HDGFL3: variants seen among roughly 807,000 people sequenced by gnomAD.
The protein encoded by HDGFL3 is HDGF like 3, also known as hepatoma-derived growth factor-related protein 3.
In HDGFL3, 6 loss-of-function variants were observed where a neutral mutation model predicts 27.6. The ratio of observed to expected loss-of-function variants is 0.22; its 90% CI spans 0.12 to 0.43. The LOEUF (loss-of-function observed/expected upper bound fraction) is 0.43. HDGFL3 is among the 20% of genes least tolerant of loss of function. HDGFL3 has a pLI of 1.00. For missense variants in HDGFL3, 207 were observed against 250.1 expected, an observed-to-expected ratio of 0.83 and a Z score of 1.16; for synonymous variants, 88 against 88.9, an observed-to-expected ratio of 0.99 and a Z score of 0.05.
In HDGFL3 at chr15:83,139,229, T is replaced by C; in HGVS notation, c.*41A>G. The stretch of plus-strand genomic sequence containing the variant: ...ATATTAGACAACCAAACATATAACC[T>C]TCTTGTGGTTTCTCTTAATATGCAG... On this transcript the variant is annotated 3_prime_UTR_variant, in exon 6 of 6. Transcript: ENST00000299633. 1 of 1,379,142 alleles carries C rather than the reference T, an allele frequency of 7.3e-7. No individual in the cohort carries two copies. Among genetic ancestry groups the C allele is most frequent in the Non-Finnish European group, 9.7e-7 (1 of 1,031,048 alleles). The allele number at this position is 1,379,142 out of a possible 1,614,324, so 85.4% of individuals were successfully genotyped here. A position where few individuals can be genotyped will look rare whatever the true frequency, so the allele number is the denominator to read the frequency against.
At chr15:83,180,154 C>A (rs2037362276) in intron 1 of HDGFL3, among the ~76,000 whole-genome samples, 1 of 151,954 alleles carries the variant, frequency 6.6e-6, no homozygotes, top group Non-Finnish European at 1.5e-5. Context: ...TCCTGATTGA[C>A]TCCGGATCTG....
chr15:83,167,626 G>C (rs1377706383), intron 1 of HDGFL3, among the ~76,000 whole-genome samples: 1 of 151,332 alleles, frequency 6.6e-6, no homozygotes, highest in African/African-American at 2.4e-5. Context: ...CAACAAGAAG[G>C]TTTAACCATT....
intron 1 of HDGFL3, among the ~76,000 whole-genome samples, chr15:83,191,084 G>T (rs62010249): frequency 0.1 from 15,741 of 152,014 alleles, 1,022 homozygotes; most frequent in Middle Eastern, 0.18. Context: ...CTATCTGTGG[G>T]CCGGTTTCTG....
intron 5 of HDGFL3, among the ~76,000 whole-genome samples, chr15:83,145,048 C>CA (rs1272038793): frequency 1.3e-5 from 2 of 151,820 alleles, no homozygotes; most frequent in African/African-American, 2.4e-5. Context: ...AGGAAGTACT[C>CA]AGAGAGCCTC....
intron 1 of HDGFL3, among the ~76,000 whole-genome samples, chr15:83,200,209 G>A (rs2037626468): frequency 6.6e-6 from 1 of 151,838 alleles, no homozygotes; most frequent in South Asian, 2.1e-4. Flanking sequence ...AGCCCAGCGT[G>A]GTGGTGGGCA....
At chr15:83,126,837 C>G, downstream of HDGFL3, 2 of 1,612,228 alleles carry the variant, frequency 1.2e-6, no homozygotes, top group South Asian at 1.1e-5. Context: ...GCTGCTTATC[C>G]TAAAATTCAG....
rs553254662 is a variant in HDGFL3 at position 83,194,818 on chromosome 15, A to T, written c.84+12513T>A. Among the ~76,000 whole-genome samples, 4 of 152,294 alleles carry T rather than the reference A, an allele frequency of 2.6e-5. No individual in the cohort carries two copies. The South Asian group carries it at 8.3e-4, about 32-fold the overall frequency. ...CTGAGCAAGTCAGTTGGTAAAAGAG[A>T]TTAATGCATTTTAGCTTTCTCATCC... On this transcript the variant is annotated intron_variant, in intron 1 of 5. Coordinates refer to ENST00000299633, the MANE Select transcript of HDGFL3 (RefSeq NM_016073.4).
At chr15:83,173,002 G>A (rs1289539584) in intron 1 of HDGFL3, among the ~76,000 whole-genome samples, 8 of 152,096 alleles carry the variant, frequency 5.3e-5, no homozygotes, top group Non-Finnish European at 1.5e-5. Context: ...ACGTAGAAGT[G>A]GACCCACAAA....
intron 1 of HDGFL3, among the ~76,000 whole-genome samples, chr15:83,190,538 T>G (rs1384083582): frequency 6.6e-6 from 1 of 152,220 alleles, no homozygotes; most frequent in African/African-American, 2.4e-5. Context: ...CGATTACTTA[T>G]GAGGCAGAGC....
chr15:83,165,332 T>A (rs1187204705), intron 1 of HDGFL3, among the ~76,000 whole-genome samples: 1 of 152,218 alleles, frequency 6.6e-6, no homozygotes, highest in Non-Finnish European at 1.5e-5. Flanking sequence ...AGTTTCTTTA[T>A]CTCTTCACAT....
In HDGFL3 at chr15:83,116,672, G is replaced by C. The variant is rs2034690787; in HGVS notation, c.394-931C>G. On this transcript the variant is annotated intron_variant, in intron 3 of 3. Coordinates refer to the HDGFL3 transcript ENST00000568294. ...CAGGGAAGGGTCCGTGCCATGAGCT[G>C]GGGCACCAGTCAGGAGGCTTCCTCG... Among the ~76,000 whole-genome samples, 4 of 152,234 alleles carry C rather than the reference G, an allele frequency of 2.6e-5. No homozygotes were observed. In the South Asian group the frequency reaches 8.3e-4, roughly 31 times the overall value.
intron 1 of HDGFL3, among the ~76,000 whole-genome samples, chr15:83,191,940 T>C (rs1035486662): frequency 6.9e-6 from 1 of 145,066 alleles, no homozygotes; most frequent in Admixed American, 6.8e-5. Context: ...CTCTCCTTTT[T>C]TTTTTTTTTT....
intron 1 of HDGFL3, among the ~76,000 whole-genome samples, chr15:83,193,038 T>C (rs1473275215): frequency 1.3e-5 from 2 of 152,306 alleles, no homozygotes; most frequent in Non-Finnish European, 2.9e-5. Flanking sequence ...CTTTACCACA[T>C]ATGGACTTCC....
intron 2 of HDGFL3, among the ~76,000 whole-genome samples, chr15:83,160,743 A>G (rs1376187880): frequency 6.6e-6 from 1 of 152,180 alleles, no homozygotes; most frequent in Non-Finnish European, 1.5e-5. Context: ...ACGAGAGGTT[A>G]ACAGTTTACT....
At chr15:83,173,919 C>T (rs368200908) in intron 1 of HDGFL3, among the ~76,000 whole-genome samples, 6 of 152,210 alleles carry the variant, frequency 3.9e-5, no homozygotes, top group Middle Eastern at 3.2e-3. Context: ...AACTAACATA[C>T]GGCAACAGCC....
In HDGFL3 at chr15:83,207,229, G is replaced by A. The variant is rs1341005732; in HGVS notation, c.84+102C>T. ...CAGCCCTCACCACAGCCGGCCGCGA[G>A]CTGCGGGCTCGGGGCTGAGGCGATG... On this transcript the variant is annotated intron_variant, in intron 1 of 5. Coordinates refer to ENST00000299633, the MANE Select transcript of HDGFL3 (RefSeq NM_016073.4). This position sits in a 1 kb window ranked among gnomAD's most constrained non-coding sequence, Gnocchi z 4.8. 2 of 810,680 alleles carry A rather than the reference G, an allele frequency of 2.5e-6. No homozygotes were observed. Among genetic ancestry groups the A allele is most frequent in the Non-Finnish European group, 3.4e-6 (2 of 593,992 alleles). The allele number at this position is 810,680 out of a possible 1,614,324, so 50.2% of individuals were successfully genotyped here.
In HDGFL3 at chr15:83,138,479, A is replaced by T. The variant is rs1205287540; in HGVS notation, c.*791T>A. The T allele has an allele frequency of 6.6e-6, 1 of 152,602 alleles. No individual in the cohort carries two copies. Among genetic ancestry groups the T allele is most frequent in the Non-Finnish European group, 1.5e-5 (1 of 68,006 alleles). The allele number at this position is 152,602 out of a possible 1,614,324, so 9.5% of individuals were successfully genotyped here. A position where few individuals can be genotyped will look rare whatever the true frequency, so the allele number is the denominator to read the frequency against. ...AAAACAGTTTATTTTAAAAGTCTAC[A>T]TTTAAAAGTCAATGCTTTGTCTGGT... On this transcript the variant is annotated 3_prime_UTR_variant, in exon 6 of 6. Transcript: ENST00000299633.
At chr15:83,166,633 C>A (rs11855639) in intron 1 of HDGFL3, among the ~76,000 whole-genome samples, 13 of 152,080 alleles carry the variant, frequency 8.5e-5, no homozygotes, top group African/African-American at 3.1e-4. Flanking sequence ...TTATAAAGAA[C>A]AGAGGTTTAA....
chr15:83,124,329 A>G (rs567557225), downstream of HDGFL3, among the ~76,000 whole-genome samples: 3 of 152,314 alleles, frequency 2.0e-5, no homozygotes, highest in African/African-American at 7.2e-5. Context: ...ATTTACATGT[A>G]TTACTGGAAA....
Sources: gnomAD v4.1 joint callset for allele counts (sites outside exome capture counted in the v4.1 genomes callset) on GRCh38, gnomAD v4.1.1 for gene constraint, Gnocchi (gnomAD v3.1) non-coding constraint, MANE v1.5 for transcripts, NCBI Gene and HGNC (gene_info 2026-07-23, HGNC 2026-07-21) for gene names.